PDE4D: variants seen among roughly 807,000 people sequenced by gnomAD.
PDE4D encodes the protein phosphodiesterase 4D.
Under a neutral mutation model 87.4 loss-of-function variants are expected in PDE4D, and 24 were observed. The ratio of observed to expected loss-of-function variants is 0.27; its 90% CI spans 0.20 to 0.39. The LOEUF (loss-of-function observed/expected upper bound fraction) is 0.39, where lower values mean the gene tolerates loss of function less well. PDE4D is among the 10% of genes least tolerant of loss of function. The pLI is 1.00. For missense variants in PDE4D, 714 were observed against 1,041.0 expected (o/e 0.69, Z 4.32); for synonymous variants, 384 against 383.2 (o/e 1.00, Z -0.02).
At chr5:59,820,090 T>C (rs1252547314) in intron 1 of PDE4D, among the ~76,000 whole-genome samples, 1 of 152,230 alleles carries the variant, frequency 6.6e-6, no homozygotes, top group African/African-American at 2.4e-5. Context: ...ACAGGGATGA[T>C]GAAGATGCTA....
intron 1 of PDE4D, among the ~76,000 whole-genome samples, chr5:59,849,438 T>A (rs1744352674): frequency 6.6e-6 from 1 of 151,906 alleles, no homozygotes; most frequent in Non-Finnish European, 1.5e-5. Context: ...GAAAAGGAGA[T>A]CATGTAGAAA....
At chr5:60,052,840 G>A (rs1770337979) in intron 2 of PDE4D, among the ~76,000 whole-genome samples, 1 of 152,112 alleles carries the variant, frequency 6.6e-6, no homozygotes, top group Non-Finnish European at 1.5e-5. Flanking sequence ...CTTCAGCAAA[G>A]TCTCAGGATA....
intron 1 of PDE4D, chr5:59,217,260 T>A (rs1751459520): frequency 4.4e-6 from 2 of 455,888 alleles, no homozygotes; most frequent in Admixed American, 2.4e-5. Flanking sequence ...AAAGAAAAAC[T>A]TGTTGAAAGA....
intron 5 of PDE4D, among the ~76,000 whole-genome samples, chr5:59,093,435 A>G (rs1293396585): frequency 6.6e-6 from 1 of 152,226 alleles, no homozygotes; most frequent in Non-Finnish European, 1.5e-5. Context: ...TTGAAAGCCT[A>G]TAGAGTTTGC....
At chr5:59,044,550 G>A (rs1251621098) in intron 5 of PDE4D, among the ~76,000 whole-genome samples, 1 of 152,180 alleles carries the variant, frequency 6.6e-6, no homozygotes, top group Non-Finnish European at 1.5e-5. Flanking sequence ...TACAGTAAAA[G>A]ATTTGTGTAG....
intron 1 of PDE4D, among the ~76,000 whole-genome samples, chr5:59,548,907 G>A (rs1817690362): frequency 6.6e-6 from 1 of 152,062 alleles, no homozygotes; most frequent in African/African-American, 2.4e-5. Context: ...GAGGGAACTG[G>A]GCATATTTGT....
intron 1 of PDE4D, among the ~76,000 whole-genome samples, chr5:60,241,207 T>C (rs1747068852): frequency 6.6e-6 from 1 of 151,216 alleles, no homozygotes; most frequent in South Asian, 2.1e-4. Flanking sequence ...CAAATAGAAA[T>C]TCTGGAGTTG....
At chr5:59,896,159 T>C (rs982178514), upstream of PDE4D, among the ~76,000 whole-genome samples, 2 of 152,168 alleles carry the variant, frequency 1.3e-5, no homozygotes, top group African/African-American at 4.8e-5. Flanking sequence ...CTGTCTCCCA[T>C]ATGCAAAGTA....
At chr5:59,872,836 C>T (rs256349) in intron 1 of PDE4D, among the ~76,000 whole-genome samples, 25,196 of 152,056 alleles carry the variant, frequency 0.17, 2,264 homozygotes, top group Middle Eastern at 0.27. Flanking sequence ...GGAAAAAAAA[C>T]TCCTACTGAC....
chr5:59,927,239 CTT>C (rs1436740403), intron 3 of PDE4D, among the ~76,000 whole-genome samples: 5 of 152,176 alleles, frequency 3.3e-5, no homozygotes, highest in African/African-American at 1.2e-4. Flanking sequence ...TTCTTTCTCT[CTT>C]TTGTTTCTTA....
At chr5:60,391,774 C>A (rs1434424468) in intron 1 of PDE4D, among the ~76,000 whole-genome samples, 1 of 152,152 alleles carries the variant, frequency 6.6e-6, no homozygotes. Flanking sequence ...TTCAAAGATT[C>A]CAGAGATGAG....
Position 58,975,109 on chromosome 5 carries a change from A to G in PDE4D, c.2014-29T>C, listed in dbSNP as rs1743381719. ...GTTAAGAAAAAAATCCAGTATGAGTAGAGGACTTGGGACTAAGAAACAATG... is the reference window on the plus strand; with the variant it reads ...GTTAAGAAAAAAATCCAGTATGAGTGGAGGACTTGGGACTAAGAAACAATG... On this transcript the variant is annotated intron_variant, in intron 14 of 14. Transcript: ENST00000340635. This position sits in a 1 kb window ranked among gnomAD's most constrained non-coding sequence, Gnocchi z 4.2. 1 of 1,380,658 alleles carries G rather than the reference A, an allele frequency of 7.2e-7. No homozygotes were observed. Among genetic ancestry groups the G allele is most frequent in the African/African-American group, 1.4e-5 (1 of 69,716 alleles). 85.5% of individuals were successfully genotyped at this position (1,380,658 alleles called of 1,614,324 possible).
At chr5:59,524,882 G>T (rs562303224) in intron 1 of PDE4D, among the ~76,000 whole-genome samples, 11 of 152,356 alleles carry the variant, frequency 7.2e-5, no homozygotes, top group African/African-American at 2.6e-4. Flanking sequence ...TGTTGGGCCT[G>T]CAGGTGCACA....
chr5:60,219,461 A>G (rs1019182001), intron 1 of PDE4D, among the ~76,000 whole-genome samples: 1 of 152,218 alleles, frequency 6.6e-6, no homozygotes, highest in African/African-American at 2.4e-5. Context: ...AAGAAGTGAG[A>G]AAACTGAGCA....
At chr5:58,977,598 C>T (rs1277084571) in intron 11 of PDE4D, among the ~76,000 whole-genome samples, 1 of 152,144 alleles carries the variant, frequency 6.6e-6, no homozygotes, top group African/African-American at 2.4e-5. Flanking sequence ...TCAGCTTTCT[C>T]TAAAGTGAAA....
chr5:59,772,769 T>C (rs879686143), intron 1 of PDE4D, among the ~76,000 whole-genome samples: 21 of 152,218 alleles, frequency 1.4e-4, no homozygotes, highest in Admixed American at 7.8e-4. Flanking sequence ...GGAAATCGCT[T>C]TCAAATTGTC....
At chr5:60,467,229 G>A (rs1229860788) in intron 1 of PDE4D, among the ~76,000 whole-genome samples, 1 of 151,856 alleles carries the variant, frequency 6.6e-6, no homozygotes, top group African/African-American at 2.4e-5. Context: ...TAGTAGAGAC[G>A]GGGTTTCACC....
intron 1 of PDE4D, among the ~76,000 whole-genome samples, chr5:59,383,827 A>G (rs370502561): frequency 6.6e-6 from 1 of 152,176 alleles, no homozygotes; most frequent in Non-Finnish European, 1.5e-5. Flanking sequence ...CATGCTGATT[A>G]TCCATAGGAA....
intron 1 of PDE4D, among the ~76,000 whole-genome samples, chr5:60,251,126 T>C (rs1748393805): frequency 6.6e-6 from 1 of 152,004 alleles, no homozygotes; most frequent in Admixed American, 6.6e-5. Context: ...AGCTATATGG[T>C]GCTTTACGTT....
Sources: gnomAD v4.1 joint callset for allele counts (sites outside exome capture counted in the v4.1 genomes callset) on GRCh38, gnomAD v4.1.1 for gene constraint, Gnocchi (gnomAD v3.1) non-coding constraint, MANE v1.5 for transcripts, NCBI Gene and HGNC (gene_info 2026-07-23, HGNC 2026-07-21) for gene names.